The following NOTCH3 variants were observed in gnomAD, a reference collection of about 807,000 sequenced individuals.
The protein encoded by NOTCH3 is notch receptor 3, also known as neurogenic locus notch homolog protein 3.
In NOTCH3, 86 loss-of-function variants were observed where a neutral mutation model predicts 213.3. The ratio of observed to expected loss-of-function variants is 0.40; its 90% CI spans 0.34 to 0.48. NOTCH3 has a LOEUF of 0.48. Ranked by LOEUF, NOTCH3 falls within the 20% of genes least tolerant of loss-of-function variation. The pLI is 0.57. For synonymous variants in NOTCH3, 1,354 were observed against 1,355.9 expected, an observed-to-expected ratio of 1.00 and a Z score of 0.03; for missense variants, 2,783 against 3,272.6, an observed-to-expected ratio of 0.85 and a Z score of 3.65.
At position 15,165,953 on chromosome 19, in the gene NOTCH3, C is replaced by T. The variant is rs202027632; in HGVS notation, c.5501G>A (p.Arg1834Gln). The change falls in exon 30 of 33, where the codon CGG (arginine) becomes CAG (glutamine). Residue 1834 changes from arginine (R) to glutamine (Q), a missense_variant. Physicochemically the swap from Arg to Gln is conservative, Grantham distance 43. Around this residue, in one of 6 missense-constraint regions of NOTCH3, gnomAD observed 636 missense variants for 801.8 expected, o/e 0.79. Coordinates refer to ENST00000263388, the MANE Select transcript of NOTCH3 (RefSeq NM_000435.3). This position sits in a 1 kb window ranked among gnomAD's most constrained non-coding sequence, Gnocchi z 4.7. Reference protein sequence around the residue: ...LICQGAQLGARTDRTGETALH... With the variant: ...LICQGAQLGAQTDRTGETALH... ...AGCAGTCTCGCCAGTACGGTCAGTCCGTGCCCCAAGCTGAGCCCCCTGGCA... is the reference window on the plus strand; with the variant it reads ...AGCAGTCTCGCCAGTACGGTCAGTCTGTGCCCCAAGCTGAGCCCCCTGGCA... 1.2e-5 allele frequency: 20 copies of T among 1,614,170 alleles called. No homozygotes were observed. The highest frequency in any genetic ancestry group is 4.5e-5 in the East Asian group (2 of 44,866).
rs2095966782 is a variant in NOTCH3 at position 15,191,476 on chromosome 19, G to T, written c.984C>A (p.Thr328=). ...AGAAAGAAGCCACGCGGTCATGGCA[G>T]GTGGCCCCATGGAAGCACACGGCTG... ...CATAVCFHGA[T]CHDRVASFYC... Residue 328 remains threonine, a synonymous_variant, in exon 6 of 33, where the codon ACC becomes ACA. Coordinates refer to ENST00000263388, the MANE Select transcript of NOTCH3 (RefSeq NM_000435.3). The T allele has an allele frequency of 1.9e-6, 3 of 1,613,318 alleles. No individual in the cohort carries two copies. The highest frequency in any genetic ancestry group is 1.7e-5 in the Admixed American group (1 of 60,002).
chr19:15,187,813 G>A, intron 10 of NOTCH3, 68 bp downstream of exon 10: 1 of 1,297,796 alleles, frequency 7.7e-7, no homozygotes, highest in Non-Finnish European at 1.1e-6. Context: ...CCCCAAGTCT[G>A]TTATTGGCCC....
intron 29 of NOTCH3, 84 bp from the exon 30 acceptor site, chr19:15,166,175 T>A: frequency 8.4e-7 from 1 of 1,191,808 alleles, no homozygotes; most frequent in Admixed American, 1.8e-5. Flanking sequence ...CATTAGGAGC[T>A]AATGGGACAC....
At chr19:15,197,174 G>C (rs927758552) in intron 2 of NOTCH3, among the ~76,000 whole-genome samples, 3 of 152,140 alleles carry the variant, frequency 2.0e-5, no homozygotes, top group Admixed American at 2.0e-4. Context: ...CTACCTCATG[G>C]GGGGCTTTAC....
Position 15,188,984 on chromosome 19 carries a change from C to T in NOTCH3, c.1378+5G>A. 1 of 1,608,220 alleles carries T rather than the reference C, an allele frequency of 6.2e-7. No homozygotes were observed. Among genetic ancestry groups the T allele is most frequent in the Non-Finnish European group, 8.5e-7 (1 of 1,177,808 alleles). On this transcript the variant is annotated splice_donor_5th_base_variant and intron_variant, in intron 8 of 32. Transcript: ENST00000263388. ...GGACCCGCCCAGGCCACGCCCACCA[C>T]CCACCTGCCATACAGATACAGGTGA...
intron 24 of NOTCH3, among the ~76,000 whole-genome samples, chr19:15,176,844 G>A (rs548887942): frequency 1.6e-4 from 24 of 150,846 alleles, no homozygotes; most frequent in Non-Finnish European, 3.0e-4. Context: ...AGGCCAAGGC[G>A]GGCGGATCAC....
intron 24 of NOTCH3, among the ~76,000 whole-genome samples, chr19:15,175,565 A>ATATATG (rs1272422789): frequency 1.6e-5 from 1 of 60,662 alleles, no homozygotes; most frequent in Non-Finnish European, 3.4e-5. Flanking sequence ...ACATATATAT[A>ATATATG]TATATATATG....
In NOTCH3 at chr19:15,165,579, CT is replaced by C; in HGVS notation, c.5668-65del. ...AGGAACAGAGGAATCAGGAGCACCC[CT>C]AAGTCCCATGAAGTCCCCAACCCCC... On this transcript the variant is annotated intron_variant, in intron 30 of 32. Transcript: ENST00000263388. The surrounding 1 kb of genome is among the most constrained non-coding windows in gnomAD (Gnocchi z 4.7). 6.3e-7 allele frequency: 1 copy of C among 1,576,450 alleles called. No homozygotes were observed. Among genetic ancestry groups the C allele is most frequent in the Non-Finnish European group, 8.6e-7 (1 of 1,163,812 alleles).
At position 15,162,468 on chromosome 19, in the gene NOTCH3, G is replaced by A; in HGVS notation, c.5910C>T (p.Ser1970=). 1 of 1,612,382 alleles carries A rather than the reference G, an allele frequency of 6.2e-7. No individual in the cohort carries two copies. Among genetic ancestry groups the A allele is most frequent in the Non-Finnish European group, 8.5e-7 (1 of 1,179,102 alleles). ...KNGANKDMQD[S]KEETPLFLAA... ...TGGACCAAGGGCTGGGGCTCACCTT[G>A]CTATCCTGCATGTCCTTATTGGCTC... Residue 1970 remains serine, a synonymous_variant, in exon 32 of 33, where the codon AGC becomes AGT. Transcript: ENST00000263388.
chr19:15,194,355 G>T (rs887880087), intron 2 of NOTCH3, among the ~76,000 whole-genome samples: 3 of 152,186 alleles, frequency 2.0e-5, no homozygotes, highest in African/African-American at 7.2e-5. Flanking sequence ...AACGTCTGGA[G>T]CCACCAGAAG....
At chr19:15,168,700 A>G (rs1251251523) in intron 28 of NOTCH3, among the ~76,000 whole-genome samples, 1 of 151,990 alleles carries the variant, frequency 6.6e-6, no homozygotes, top group Non-Finnish European at 1.5e-5. Context: ...CGGGCATGGT[A>G]GCACATGCCT....
intron 23 of NOTCH3, 108 bp from the exon 24 acceptor site, chr19:15,178,198 G>C: frequency 1.5e-6 from 1 of 669,022 alleles, no homozygotes; most frequent in Non-Finnish European, 2.4e-6. Flanking sequence ...GGGAGAGAGG[G>C]GGAAGAGAAG....
chr19:15,170,018 G>A (rs987944647), intron 28 of NOTCH3, 68 bp downstream of exon 28: 32 of 877,350 alleles, frequency 3.6e-5, no homozygotes, highest in Non-Finnish European at 5.6e-5. Context: ...TCATCCACTG[G>A]GGACCCCACC....
chr19:15,180,892 C>T, intron 18 of NOTCH3, 64 bp from the exon 19 acceptor site: 1 of 1,597,562 alleles, frequency 6.3e-7, no homozygotes. Flanking sequence ...AAACTGTGCC[C>T]CGACTTGGCT....
Position 15,160,924 on chromosome 19 carries a change from A to T in NOTCH3, c.6704T>A (p.Phe2235Tyr). 6.2e-7 allele frequency: 1 copy of T among 1,605,430 alleles called. No homozygotes were observed. The highest frequency in any genetic ancestry group is 8.5e-7 in the Non-Finnish European group (1 of 1,175,350). Residue 2235 changes from phenylalanine to tyrosine, a missense_variant, in exon 33 of 33, where the codon TTC becomes TAC. By Grantham distance (22) the Phe-to-Tyr change is conservative. Coordinates refer to ENST00000263388, the MANE Select transcript of NOTCH3 (RefSeq NM_000435.3). ...GAHSSPPKAR[F>Y]LRVPSEHPYL... is the part of the protein sequence containing the mutation. ...AGGGTGCTCACTGGGAACCCGCAGG[A>T]AGCGGGCCTTTGGGGGGCTGCTGTG...
intron 29 of NOTCH3, among the ~76,000 whole-genome samples, chr19:15,166,995 G>A (rs2046691471): frequency 1.3e-5 from 2 of 152,228 alleles, no homozygotes; most frequent in East Asian, 1.9e-4. Flanking sequence ...GAGTCAAAGG[G>A]TAGAGAGGGG....
At chr19:15,164,764 C>T (rs961282870) in intron 31 of NOTCH3, among the ~76,000 whole-genome samples, 1 of 149,140 alleles carries the variant, frequency 6.7e-6, no homozygotes, top group Non-Finnish European at 1.5e-5. Context: ...CTGCCCCCAG[C>T]CCCCAGAGCA....
In NOTCH3 at chr19:15,185,238, G is replaced by A. The variant is rs1406902508; in HGVS notation, c.2296+19C>T. Reference sequence around the variant, plus strand: ...CCCATGGTGTTGGTGGGGCTGCAGAGGGAAGGTGAGGTACACACCCTGGAC... The same window carrying A: ...CCCATGGTGTTGGTGGGGCTGCAGAAGGAAGGTGAGGTACACACCCTGGAC... On this transcript the variant is annotated intron_variant, in intron 14 of 32. Transcript: ENST00000263388. This position sits in a 1 kb window ranked among gnomAD's most constrained non-coding sequence, Gnocchi z 4.2. The A allele has an allele frequency of 6.2e-7, 1 of 1,612,860 alleles. No individual in the cohort carries two copies. Among genetic ancestry groups the A allele is most frequent in the South Asian group, 1.1e-5 (1 of 91,054 alleles).
Position 15,185,027 on chromosome 19 carries a change from G to T in NOTCH3, c.2297-8C>A. The T allele has an allele frequency of 7.0e-7, 1 of 1,437,526 alleles. No individual in the cohort carries two copies. The highest frequency in any genetic ancestry group is 9.5e-7 in the Non-Finnish European group (1 of 1,056,186). 89.0% of individuals were successfully genotyped at this position (1,437,526 alleles called of 1,614,324 possible). On this transcript the variant is annotated splice_polypyrimidine_tract_variant and splice_region_variant and intron_variant, in intron 14 of 32. Transcript: ENST00000263388. This position sits in a 1 kb window ranked among gnomAD's most constrained non-coding sequence, Gnocchi z 4.2. ...GGAGTTCACACTGACGTCCTGTTGG[G>T]GGTGGAAGAGAGGGAAGCAGAGATA...
Sources: allele counts gnomAD v4.1 joint callset (sites outside exome capture counted in the v4.1 genomes callset), GRCh38; gene constraint gnomAD v4.1.1; regional missense constraint gnomAD v4.1.1; non-coding constraint Gnocchi (gnomAD v3.1); transcripts MANE v1.5; gene names NCBI Gene and HGNC (gene_info 2026-07-23, HGNC 2026-07-21).